Variants in NDNF observed in about 807,000 individuals in gnomAD.
NDNF encodes neuron derived neurotrophic factor, also known as protein NDNF.
In NDNF, 16 loss-of-function variants were observed where a neutral mutation model predicts 42.0. The ratio of observed to expected loss-of-function variants is 0.38; its 90% CI spans 0.26 to 0.58. NDNF has a LOEUF of 0.58. Ranked by LOEUF, NDNF falls within the 20% of genes least tolerant of loss-of-function variation. The pLI is 0.67. For missense variants in NDNF, 616 were observed against 666.2 expected, an observed-to-expected ratio of 0.92 and a Z score of 0.83; for synonymous variants, 248 against 251.7, an observed-to-expected ratio of 0.99 and a Z score of 0.14.
chr4:121,063,054 T>C (rs901589389), intron 1 of NDNF, among the ~76,000 whole-genome samples: 5 of 152,162 alleles, frequency 3.3e-5, no homozygotes, highest in Admixed American at 6.5e-5. Flanking sequence ...CTTGTTTTGC[T>C]GAAATGTACA....
At chr4:121,064,529 T>C (rs1017095025) in intron 1 of NDNF, among the ~76,000 whole-genome samples, 38 of 152,138 alleles carry the variant, frequency 2.5e-4, no homozygotes, top group African/African-American at 9.2e-4. Flanking sequence ...CAAAACATAA[T>C]GGGGCACAAT....
intron 2 of NDNF, among the ~76,000 whole-genome samples, chr4:121,041,290 C>T (rs1352770932): frequency 6.6e-6 from 1 of 152,162 alleles, no homozygotes; most frequent in Non-Finnish European, 1.5e-5. Context: ...CCAGCAAGCC[C>T]AGAGTTGCTC....
chr4:121,067,877 G>T (rs1727527546), intron 1 of NDNF, among the ~76,000 whole-genome samples: 1 of 152,190 alleles, frequency 6.6e-6, no homozygotes, highest in Non-Finnish European at 1.5e-5. Context: ...GAAGGGGAAA[G>T]GTGTGGATAT....
chr4:121,046,699 T>C (rs1460493534), intron 1 of NDNF, among the ~76,000 whole-genome samples: 1 of 152,236 alleles, frequency 6.6e-6, no homozygotes, highest in East Asian at 1.9e-4. Flanking sequence ...GTACTTTCAC[T>C]GAGTTACATT....
At chr4:121,067,274 T>A (rs1727514731) in intron 1 of NDNF, among the ~76,000 whole-genome samples, 1 of 152,212 alleles carries the variant, frequency 6.6e-6, no homozygotes, top group Admixed American at 6.5e-5. Flanking sequence ...ATTATACATT[T>A]ATACTACTAC....
intron 1 of NDNF, among the ~76,000 whole-genome samples, chr4:121,049,482 TG>T (rs1343669273): frequency 6.6e-6 from 1 of 152,164 alleles, no homozygotes; most frequent in East Asian, 1.9e-4. Context: ...AAGAAAATAA[TG>T]ATACTCTGCC....
In NDNF at chr4:121,036,218, A is replaced by T; in HGVS notation, c.*46T>A. 1 of 1,460,594 alleles carries T rather than the reference A, an allele frequency of 6.8e-7. No homozygotes were observed. Among genetic ancestry groups the T allele is most frequent in the Non-Finnish European group, 9.3e-7 (1 of 1,079,010 alleles). 90.5% of individuals were successfully genotyped at this position (1,460,594 alleles called of 1,614,324 possible). The stretch of plus-strand genomic sequence containing the variant: ...GTCAGTTTATACTTAAAGTGATTTA[A>T]TGTCCCTCCTGGAGTTCTACATAAT... On this transcript the variant is annotated 3_prime_UTR_variant, in exon 4 of 4. Transcript: ENST00000379692.
intron 2 of NDNF, among the ~76,000 whole-genome samples, chr4:121,044,013 C>A (rs1275572155): frequency 2.6e-5 from 4 of 152,202 alleles, no homozygotes; most frequent in Admixed American, 2.6e-4. Flanking sequence ...TCTGCCTTCA[C>A]TCCCATGAAT....
At chr4:121,053,953 C>T (rs112047114) in intron 1 of NDNF, among the ~76,000 whole-genome samples, 2,810 of 152,252 alleles carry the variant, frequency 0.018, 79 homozygotes, top group African/African-American at 0.061. Flanking sequence ...AGCATGGCAG[C>T]GCGCCAGTAG....
intron 2 of NDNF, among the ~76,000 whole-genome samples, chr4:121,040,398 C>T (rs2148763661): frequency 6.6e-6 from 1 of 152,272 alleles, no homozygotes; most frequent in Admixed American, 6.5e-5. Flanking sequence ...ACAGGCCCCG[C>T]CACTGCAAAA....
chr4:121,039,640 A>G (rs116075529), intron 3 of NDNF, among the ~76,000 whole-genome samples: 294 of 152,146 alleles, frequency 1.9e-3, no homozygotes, highest in Non-Finnish European at 2.4e-3. Context: ...TACGTACGTG[A>G]TTAGGATGTT....
In NDNF at chr4:121,037,149, T is replaced by C. The variant is rs1421282380; in HGVS notation, c.822A>G (p.Pro274=). 1 of 1,614,012 alleles carries C rather than the reference T, an allele frequency of 6.2e-7. No individual in the cohort carries two copies. Among genetic ancestry groups the C allele is most frequent in the South Asian group, 1.1e-5 (1 of 91,058 alleles). Residue 274 remains proline, a synonymous_variant, in exon 4 of 4, where the codon CCA becomes CCG. Coordinates refer to ENST00000379692, the MANE Select transcript of NDNF (RefSeq NM_024574.4). Reference sequence around the variant, plus strand: ...TGGAGTAGACATGACGCCCCAGTTTTGGAGAAGGCTTTGCCTGGAAACTGC... The same window carrying C: ...TGGAGTAGACATGACGCCCCAGTTTCGGAGAAGGCTTTGCCTGGAAACTGC... ...KERSFQAKPS[P]KLGRHVYSRP... is the part of the protein sequence containing the mutation.
intron 2 of NDNF, among the ~76,000 whole-genome samples, chr4:121,043,508 G>C (rs1332391585): frequency 6.6e-6 from 1 of 151,880 alleles, no homozygotes; most frequent in East Asian, 1.9e-4. Context: ...ATAATCATTG[G>C]CGGAAAAAAG....
intron 1 of NDNF, among the ~76,000 whole-genome samples, chr4:121,068,916 AACG>A (rs1290922114): frequency 2.0e-5 from 3 of 152,202 alleles, no homozygotes; most frequent in Admixed American, 2.0e-4. Context: ...GATAAGTCCT[AACG>A]ACGACAACAA....
intron 3 of NDNF, 117 bp from the exon 4 acceptor site, chr4:121,037,774 G>T: frequency 1.6e-6 from 1 of 643,916 alleles, no homozygotes; most frequent in Non-Finnish European, 2.5e-6. Flanking sequence ...ATGTTCATAA[G>T]TAAAAATATT....
chr4:121,038,165 A>C (rs1172915680), intron 3 of NDNF: 1 of 152,676 alleles, frequency 6.5e-6, no homozygotes, highest in South Asian at 2.1e-4. Flanking sequence ...CCTGGACAAC[A>C]AAGAGAGACC....
In NDNF at chr4:121,040,025, G is replaced by C; in HGVS notation, c.218C>G (p.Thr73Ser). 1 of 1,613,884 alleles carries C rather than the reference G, an allele frequency of 6.2e-7. No homozygotes were observed. Among genetic ancestry groups the C allele is most frequent in the Non-Finnish European group, 8.5e-7 (1 of 1,179,912 alleles). Residue 73 changes from threonine to serine, a missense_variant, in exon 3 of 4, where the codon ACT becomes AGT. Thr to Ser is a moderately conservative substitution (Grantham distance 58). Coordinates refer to ENST00000379692, the MANE Select transcript of NDNF (RefSeq NM_024574.4). The stretch of plus-strand genomic sequence containing the variant: ...GGGCGTCACTGTGACTGATAATGGA[G>C]TATTGTCTTCTTCAACCACAAAGAA... ...RYFFVVEEDN[T>S]PLSVTVTPCD...
intron 1 of NDNF, among the ~76,000 whole-genome samples, chr4:121,060,742 C>A (rs1330509977): frequency 6.6e-6 from 1 of 152,084 alleles, no homozygotes; most frequent in Non-Finnish European, 1.5e-5. Context: ...ATTCTGTGGG[C>A]CTAATCCCAC....
chr4:121,067,637 G>A (rs1042463434), intron 1 of NDNF, among the ~76,000 whole-genome samples: 2 of 152,068 alleles, frequency 1.3e-5, no homozygotes, highest in African/African-American at 4.8e-5. Context: ...CAGCTGTTCT[G>A]TGGCCAAATT....
Sources: allele counts gnomAD v4.1 joint callset (sites outside exome capture counted in the v4.1 genomes callset), GRCh38; gene constraint gnomAD v4.1.1; transcripts MANE v1.5; gene names NCBI Gene and HGNC (gene_info 2026-07-23, HGNC 2026-07-21).